Variants in CNTN1 observed in about 807,000 individuals in gnomAD.
CNTN1 encodes the protein contactin-1.
In CNTN1, 38 loss-of-function variants were observed where a neutral mutation model predicts 126.4. That is an observed-to-expected ratio of 0.30 (90% confidence interval 0.23 to 0.39). CNTN1 has a LOEUF of 0.39. Ranked by LOEUF, CNTN1 falls within the 10% of genes least tolerant of loss-of-function variation. The pLI is 1.00. For synonymous variants in CNTN1, 413 were observed against 422.6 expected (o/e 0.98, Z 0.28); for missense variants, 1,009 against 1,248.4 (o/e 0.81, Z 2.89).
At chr12:41,016,628 C>T in intron 18 of CNTN1, 54 bp from the exon 19 acceptor site, 1 of 1,139,512 alleles carries the variant, frequency 8.8e-7, no homozygotes, top group Non-Finnish European at 1.3e-6. Context: ...CATAGCATTT[C>T]CTCCCTGTTA....
chr12:40,799,854 G>T (rs960651965), intron 1 of CNTN1, among the ~76,000 whole-genome samples: 5 of 151,820 alleles, frequency 3.3e-5, no homozygotes, highest in Non-Finnish European at 4.4e-5. Flanking sequence ...ATTATTATTA[G>T]TAGTAGTATT....
At chr12:41,057,929 C>T (rs759009443) in intron 23 of CNTN1, among the ~76,000 whole-genome samples, 1 of 151,776 alleles carries the variant, frequency 6.6e-6, no homozygotes, top group African/African-American at 2.4e-5. Flanking sequence ...ATATTACAGG[C>T]GAGGAAGAAA....
intron 14 of CNTN1, among the ~76,000 whole-genome samples, chr12:40,953,433 T>C (rs1946758311): frequency 6.6e-6 from 1 of 152,166 alleles, no homozygotes; most frequent in African/African-American, 2.4e-5. Flanking sequence ...TCTTGAGGTA[T>C]GGAAAGTGCT....
At chr12:40,889,318 G>A (rs1944161378) in intron 1 of CNTN1, among the ~76,000 whole-genome samples, 1 of 152,190 alleles carries the variant, frequency 6.6e-6, no homozygotes, top group South Asian at 2.1e-4. Context: ...AAATTGTTAA[G>A]AGTCAAATAT....
intron 17 of CNTN1, among the ~76,000 whole-genome samples, chr12:41,006,123 G>GTATAA (rs1370471690): frequency 6.6e-6 from 1 of 152,056 alleles, no homozygotes; most frequent in Non-Finnish European, 1.5e-5. Flanking sequence ...TGACCTTGAG[G>GTATAA]GTTTGATTGT....
In CNTN1 at chr12:40,922,442, A is replaced by T. The variant is rs773281805; in HGVS notation, c.400+14A>T. On this transcript the variant is annotated intron_variant, in intron 5 of 23. Transcript: ENST00000551295. ...TGAGCTTTGGATGTAAGTAAACTGT[A>T]ACTTTTAAAAAAGGGCAAGCGTGTT... 6.2e-7 allele frequency: 1 copy of T among 1,613,446 alleles called. No individual in the cohort carries two copies.
At position 40,859,290 on chromosome 12, in the gene CNTN1, G is replaced by A. The variant is rs183677442; in HGVS notation, c.-76-49067G>A. ...AGGCGAGAACAGAATTGAGAGATGA[G>A]GAGAGGGGTAAACTATGGACTTTAG... On this transcript the variant is annotated intron_variant, in intron 1 of 23. Coordinates refer to ENST00000551295, the MANE Select transcript of CNTN1 (RefSeq NM_001843.4). 9.2e-5 allele frequency among the ~76,000 whole-genome samples: 14 copies of A among 152,090 alleles called. No homozygotes were observed. The East Asian group carries it at 2.3e-3, about 25-fold the overall frequency.
At chr12:40,885,658 G>A (rs1278763747) in intron 1 of CNTN1, among the ~76,000 whole-genome samples, 2 of 152,006 alleles carry the variant, frequency 1.3e-5, no homozygotes, top group Non-Finnish European at 2.9e-5. Flanking sequence ...AGTAGTAAGT[G>A]CTATGTATGC....
intron 14 of CNTN1, among the ~76,000 whole-genome samples, chr12:40,958,311 CTGTATGTGTGTA>C (rs1732006436): frequency 6.9e-6 from 1 of 145,744 alleles, no homozygotes; most frequent in South Asian, 2.2e-4. Flanking sequence ...GTGTGTGTGC[CTGTATGTGTGTA>C]TGTATGTGTA....
At chr12:40,743,601 T>C (rs574419119) in intron 1 of CNTN1, among the ~76,000 whole-genome samples, 2 of 152,214 alleles carry the variant, frequency 1.3e-5, no homozygotes, top group Admixed American at 1.3e-4. Context: ...AATGTCTTCT[T>C]TTGAGAAGTG....
chr12:40,827,157 G>A (rs939129381), intron 1 of CNTN1, among the ~76,000 whole-genome samples: 1 of 149,726 alleles, frequency 6.7e-6, no homozygotes, highest in South Asian at 2.1e-4. Context: ...AAAATTAAAT[G>A]TACATTTTGT....
At chr12:40,796,635 T>A (rs1291305260) in intron 1 of CNTN1, among the ~76,000 whole-genome samples, 1 of 152,044 alleles carries the variant, frequency 6.6e-6, no homozygotes, top group Non-Finnish European at 1.5e-5. Flanking sequence ...GAACTAGAAT[T>A]AATAATGGTT....
intron 1 of CNTN1, among the ~76,000 whole-genome samples, chr12:40,899,742 T>C (rs1944541232): frequency 6.6e-6 from 1 of 152,048 alleles, no homozygotes; most frequent in Non-Finnish European, 1.5e-5. Flanking sequence ...AAAATGAAAA[T>C]ATTAAGACTA....
intron 1 of CNTN1, among the ~76,000 whole-genome samples, chr12:40,786,986 A>C (rs1395391374): frequency 6.6e-6 from 1 of 152,124 alleles, no homozygotes; most frequent in Non-Finnish European, 1.5e-5. Flanking sequence ...CACATATTTA[A>C]TTATTCATTT....
intron 1 of CNTN1, among the ~76,000 whole-genome samples, chr12:40,794,545 A>G (rs1284572268): frequency 6.6e-6 from 1 of 152,050 alleles, no homozygotes; most frequent in African/African-American, 2.4e-5. Context: ...CCTAAATGAT[A>G]TATTGCCAAA....
chr12:40,867,948 C>T (rs1943356404), intron 1 of CNTN1, among the ~76,000 whole-genome samples: 1 of 151,224 alleles, frequency 6.6e-6, no homozygotes. Flanking sequence ...ATTTGTGCTA[C>T]TGTGGTTAGA....
intron 5 of CNTN1, among the ~76,000 whole-genome samples, chr12:40,923,096 A>G (rs962552880): frequency 8.5e-5 from 13 of 152,052 alleles, no homozygotes; most frequent in African/African-American, 3.1e-4. Flanking sequence ...TTGCAACATA[A>G]TGTCTGTGAC....
chr12:41,019,885 A>G (rs1315966073), intron 19 of CNTN1, among the ~76,000 whole-genome samples: 1 of 152,174 alleles, frequency 6.6e-6, no homozygotes. Flanking sequence ...ACAATTTTCT[A>G]TAATTCCAAA....
intron 1 of CNTN1, among the ~76,000 whole-genome samples, chr12:40,784,650 C>T (rs555453192): frequency 6.6e-6 from 1 of 152,164 alleles, no homozygotes; most frequent in South Asian, 2.1e-4. Context: ...GCCTGGTTTG[C>T]CCAAGTTGGA....
Sources: gnomAD v4.1 joint callset for allele counts (sites outside exome capture counted in the v4.1 genomes callset) on GRCh38, gnomAD v4.1.1 for gene constraint, MANE v1.5 for transcripts, NCBI Gene and HGNC (gene_info 2026-07-23, HGNC 2026-07-21) for gene names.